Variants in MARCHF6 observed in about 807,000 individuals in gnomAD.
The protein encoded by MARCHF6 is membrane associated ring-CH-type finger 6, also known as E3 ubiquitin-protein ligase MARCHF6.
A neutral mutation model predicts 133.7 loss-of-function variants in MARCHF6; 31 were observed. The ratio of observed to expected loss-of-function variants is 0.23; its 90% confidence interval spans 0.17 to 0.31. The LOEUF is 0.31. Among genes scored for constraint, MARCHF6 ranks in the 10% least tolerant of loss-of-function variants. The pLI is 1.00. For missense variants in MARCHF6, 723 were observed against 1,121.6 expected, an observed-to-expected ratio of 0.64 and a Z score of 5.08; for synonymous variants, 395 against 402.5, an observed-to-expected ratio of 0.98 and a Z score of 0.22.
At chr5:10,371,737 C>G (rs1410913154) in intron 1 of MARCHF6, among the ~76,000 whole-genome samples, 1 of 152,166 alleles carries the variant, frequency 6.6e-6, no homozygotes, top group Non-Finnish European at 1.5e-5. Context: ...GTCAAAGTAA[C>G]AATTGAATGT....
At chr5:10,431,614 TAAGA>T (rs1466890727) in intron 25 of MARCHF6, among the ~76,000 whole-genome samples, 3 of 143,460 alleles carry the variant, frequency 2.1e-5, no homozygotes, top group South Asian at 2.5e-4. Flanking sequence ...TGGGAGGTGC[TAAGA>T]GTGAGTGAGT....
intron 23 of MARCHF6, 62 bp from the exon 24 acceptor site, chr5:10,426,328 T>C (rs1262155530): frequency 1.1e-5 from 18 of 1,566,146 alleles, no homozygotes; most frequent in Non-Finnish European, 1.5e-5. Context: ...TGGAGATTGC[T>C]GTATTAACTT....
intron 9 of MARCHF6, 65 bp downstream of exon 9, chr5:10,394,850 A>G (rs952433857): frequency 4.4e-5 from 46 of 1,044,044 alleles, no homozygotes; most frequent in Non-Finnish European, 5.9e-5. Flanking sequence ...CCCAGGCTGG[A>G]CTGCAGTGGC....
intron 25 of MARCHF6, among the ~76,000 whole-genome samples, chr5:10,432,959 G>A (rs1246156008): frequency 6.9e-6 from 1 of 145,386 alleles, no homozygotes; most frequent in Non-Finnish European, 1.5e-5. Context: ...CTGGAGTGCA[G>A]TGGCACAATT....
At chr5:10,420,034 AG>A (rs1328744811) in intron 22 of MARCHF6, among the ~76,000 whole-genome samples, 1 of 149,924 alleles carries the variant, frequency 6.7e-6, no homozygotes, top group Non-Finnish European at 1.5e-5. Context: ...ATCACTTAAC[AG>A]TGTGAGAGTT....
chr5:10,435,781 A>G lies in MARCHF6; in HGVS notation c.*2097A>G, dbSNP rs1157014543. On this transcript the variant is annotated 3_prime_UTR_variant, in exon 26 of 26. Coordinates refer to ENST00000274140, the MANE Select transcript of MARCHF6 (RefSeq NM_005885.4). The stretch of plus-strand genomic sequence containing the variant: ...GCCCAGGCTGGAGTGCAGTGGCACG[A>G]TCCTGGTTCACTGCACCCTCTGCCT... 3 of 130,814 alleles carry G rather than the reference A, an allele frequency of 2.3e-5. No homozygotes were observed. Among genetic ancestry groups the G allele is most frequent in the African/African-American group, 8.8e-5 (3 of 34,020 alleles). The allele number at this position is 130,814 out of a possible 1,614,324, so 8.1% of individuals were successfully genotyped here. A position where few individuals can be genotyped will look rare whatever the true frequency, so the allele number is the denominator to read the frequency against.
chr5:10,409,126 T>C (rs1452858467), intron 17 of MARCHF6, among the ~76,000 whole-genome samples: 2 of 152,308 alleles, frequency 1.3e-5, no homozygotes, highest in East Asian at 1.9e-4. Context: ...CAGCCTCTTA[T>C]TTGGATCTTA....
intron 22 of MARCHF6, among the ~76,000 whole-genome samples, chr5:10,420,958 T>C (rs1440668536): frequency 6.6e-6 from 1 of 152,214 alleles, no homozygotes; most frequent in Non-Finnish European, 1.5e-5. Context: ...TAACATAAGC[T>C]GAAATCCTGT....
At chr5:10,404,731 T>A (rs747808900) in intron 15 of MARCHF6, among the ~76,000 whole-genome samples, 13 of 152,164 alleles carry the variant, frequency 8.5e-5, no homozygotes, top group Non-Finnish European at 1.5e-4. Flanking sequence ...TTGAAAGATT[T>A]GAGGAAGAGG....
intron 22 of MARCHF6, among the ~76,000 whole-genome samples, chr5:10,422,296 C>G (rs904271880): frequency 2.6e-5 from 4 of 151,818 alleles, no homozygotes; most frequent in Admixed American, 1.3e-4. Flanking sequence ...AACGGGGGTT[C>G]CAGAAGGAAC....
At position 10,387,130 on chromosome 5, in the gene MARCHF6, A is replaced by G. The variant is rs1461605670; in HGVS notation, c.407+64A>G. On this transcript the variant is annotated intron_variant, in intron 5 of 25. Coordinates refer to ENST00000274140, the MANE Select transcript of MARCHF6 (RefSeq NM_005885.4). ...AGATGATGCTTGCTTTTTTCCTTGC[A>G]TATTTATTTTATTATAATTTGTAAA... 18 of 1,189,412 alleles carry G rather than the reference A, an allele frequency of 1.5e-5. No individual in the cohort carries two copies. The Admixed American group carries it at 2.2e-4, about 15-fold the overall frequency. 73.7% of individuals were successfully genotyped at this position (1,189,412 alleles called of 1,614,324 possible). A position where few individuals can be genotyped will look rare whatever the true frequency, so the allele number is the denominator to read the frequency against.
intron 23 of MARCHF6, 78 bp downstream of exon 23, chr5:10,423,902 TTA>T (rs2126335363): frequency 1.9e-6 from 2 of 1,029,666 alleles, no homozygotes; most frequent in Admixed American, 2.2e-5. Context: ...CTCTTATTTC[TTA>T]TCTTCCTACC....
chr5:10,432,473 C>G (rs1740416356), intron 25 of MARCHF6, among the ~76,000 whole-genome samples: 1 of 152,230 alleles, frequency 6.6e-6, no homozygotes, highest in Non-Finnish European at 1.5e-5. Flanking sequence ...ACACTTGTGC[C>G]CAGCCACCTA....
rs939649887 is a variant in MARCHF6 at position 10,415,392 on chromosome 5, C to T, written c.1967-96C>T. 4.4e-6 allele frequency: 5 copies of T among 1,137,858 alleles called. No individual in the cohort carries two copies. The African/African-American group carries it at 6.2e-5, about 14-fold the overall frequency. 70.5% of individuals were successfully genotyped at this position (1,137,858 alleles called of 1,614,324 possible). A position where few individuals can be genotyped will look rare whatever the true frequency, so the allele number is the denominator to read the frequency against. On this transcript the variant is annotated intron_variant, in intron 20 of 25. Coordinates refer to ENST00000274140, the MANE Select transcript of MARCHF6 (RefSeq NM_005885.4). ...GACATTGATATATCGAATGTGATAT[C>T]TTTTTCCTAATGTGAAAATACTAAC...
In MARCHF6 at chr5:10,394,913, C is replaced by G; in HGVS notation, c.861+128C>G. 3 of 571,566 alleles carry G rather than the reference C, an allele frequency of 5.2e-6. No homozygotes were observed. The South Asian group carries it at 6.0e-5, about 11-fold the overall frequency. The allele number at this position is 571,566 out of a possible 1,614,324, so 35.4% of individuals were successfully genotyped here. A position where few individuals can be genotyped will look rare whatever the true frequency, so the allele number is the denominator to read the frequency against. On this transcript the variant is annotated intron_variant, in intron 9 of 25. Coordinates refer to ENST00000274140, the MANE Select transcript of MARCHF6 (RefSeq NM_005885.4). ...CTCCTGGGTTCATGCCATTCTCCTG[C>G]CTCAGCTTTCCAGGTAGCTGGGACT...
chr5:10,386,898 A>T, intron 4 of MARCHF6, 96 bp from the exon 5 acceptor site: 1 of 852,896 alleles, frequency 1.2e-6, no homozygotes, highest in Non-Finnish European at 2.0e-6. Flanking sequence ...TTTCAGTGGC[A>T]TTTGTGGCGT....
rs1738586892 is a variant in MARCHF6, at chr5:10,402,271, G to C, written c.1054-113G>C. 4 of 1,179,606 alleles carry C rather than the reference G, an allele frequency of 3.4e-6. No individual in the cohort carries two copies. In the South Asian group the frequency reaches 5.1e-5, roughly 15 times the overall value. 73.1% of individuals were successfully genotyped at this position (1,179,606 alleles called of 1,614,324 possible). ...AGGTATTTGCAGTAAGGGTCAGTGT[G>C]GACAAAATGTGAAATAAATTAATTC... is the stretch of plus-strand genomic sequence containing the variant. On this transcript the variant is annotated intron_variant, in intron 12 of 25. Coordinates refer to ENST00000274140, the MANE Select transcript of MARCHF6 (RefSeq NM_005885.4).
chr5:10,423,375 A>G (rs1579617252), intron 22 of MARCHF6, among the ~76,000 whole-genome samples: 1 of 152,374 alleles, frequency 6.6e-6, no homozygotes, highest in African/African-American at 2.4e-5. Context: ...TTAATTTGAC[A>G]TAAATCAGCT....
chr5:10,369,058 CTGCA>C (rs1411109577), intron 1 of MARCHF6, among the ~76,000 whole-genome samples: 1 of 152,102 alleles, frequency 6.6e-6, no homozygotes, highest in African/African-American at 2.4e-5. Context: ...CCATCCCTTA[CTGCA>C]TGCTTCCACG....
Sources: gnomAD v4.1 joint callset for allele counts (sites outside exome capture counted in the v4.1 genomes callset) on GRCh38, gnomAD v4.1.1 for gene constraint, MANE v1.5 for transcripts, NCBI Gene and HGNC (gene_info 2026-07-23, HGNC 2026-07-21) for gene names.